Variants in CDH18 observed in about 807,000 individuals in gnomAD.
CDH18 encodes the protein cadherin 18.
In CDH18, 31 loss-of-function variants were observed where a neutral mutation model predicts 67.9. The ratio of observed to expected loss-of-function variants is 0.46; its 90% confidence interval spans 0.34 to 0.62. CDH18 has a LOEUF of 0.62. CDH18 is among the 20% of genes least tolerant of loss of function. The probability of loss-of-function intolerance (pLI) is 0.01; values close to 1 mark genes in which losing one functional copy is unlikely to be tolerated. For missense variants in CDH18, 890 were observed against 975.5 expected (o/e 0.91, Z 1.17); for synonymous variants, 362 against 347.2 (o/e 1.04, Z -0.48).
At chr5:20,102,033 T>C (rs1289539635) in intron 2 of CDH18, among the ~76,000 whole-genome samples, 4 of 152,114 alleles carry the variant, frequency 2.6e-5, no homozygotes, top group African/African-American at 9.7e-5. Context: ...ATCGCGCCAC[T>C]GTACTCCAGC....
At chr5:19,916,302 T>C (rs1358834404) in intron 2 of CDH18, among the ~76,000 whole-genome samples, 1 of 152,162 alleles carries the variant, frequency 6.6e-6, no homozygotes, top group Admixed American at 6.5e-5. Flanking sequence ...ACTGAGTCCT[T>C]ACCCCTTAGG....
intron 1 of CDH18, among the ~76,000 whole-genome samples, chr5:20,266,024 C>G (rs1745005903): frequency 6.6e-6 from 1 of 152,144 alleles, no homozygotes; most frequent in Non-Finnish European, 1.5e-5. Context: ...TCTTCTCCTC[C>G]TCTTGGATAG....
chr5:19,931,789 C>T (rs948773682), intron 2 of CDH18, among the ~76,000 whole-genome samples: 1 of 151,742 alleles, frequency 6.6e-6, no homozygotes, highest in Admixed American at 6.6e-5. Context: ...CTTTATATAT[C>T]TCTCTGCTTT....
intron 6 of CDH18, among the ~76,000 whole-genome samples, chr5:19,596,380 C>A (rs1453738189): frequency 6.6e-6 from 1 of 152,114 alleles, no homozygotes; most frequent in African/African-American, 2.4e-5. Context: ...TAAATTGGTA[C>A]AAATTCTCTA....
chr5:19,681,177 T>A (rs1760258337), intron 5 of CDH18, among the ~76,000 whole-genome samples: 1 of 151,946 alleles, frequency 6.6e-6, no homozygotes, highest in East Asian at 1.9e-4. Context: ...AACCAAATAC[T>A]GCATTTTCTC....
At chr5:20,118,965 G>A (rs1748135359) in intron 2 of CDH18, among the ~76,000 whole-genome samples, 1 of 152,104 alleles carries the variant, frequency 6.6e-6, no homozygotes, top group South Asian at 2.1e-4. Context: ...CCGTACATGA[G>A]CTGAAGAGGG....
At chr5:20,376,882 T>C (rs1488509532) in intron 1 of CDH18, among the ~76,000 whole-genome samples, 1 of 151,992 alleles carries the variant, frequency 6.6e-6, no homozygotes, top group East Asian at 1.9e-4. Flanking sequence ...CCGGGCGTGG[T>C]GGCAGGTGGC....
intron 2 of CDH18, among the ~76,000 whole-genome samples, chr5:20,234,924 A>G (rs372655256): frequency 6.6e-6 from 1 of 152,132 alleles, no homozygotes; most frequent in Non-Finnish European, 1.5e-5. Context: ...GAAAACTGCA[A>G]TTGGGGAAAG....
At chr5:20,510,231 G>A (rs150133739) in intron 1 of CDH18, among the ~76,000 whole-genome samples, 251 of 152,010 alleles carry the variant, frequency 1.7e-3, no homozygotes, top group African/African-American at 5.8e-3. Context: ...CTGTTTTCTC[G>A]ATTGGGTTAT....
chr5:19,847,463 T>C (rs528934812), intron 2 of CDH18, among the ~76,000 whole-genome samples: 4 of 152,246 alleles, frequency 2.6e-5, no homozygotes, highest in Admixed American at 2.6e-4. Flanking sequence ...TCTTTTTATA[T>C]ATTTAATCTC....
chr5:19,773,698 A>G (rs1773979593), intron 3 of CDH18, among the ~76,000 whole-genome samples: 1 of 152,168 alleles, frequency 6.6e-6, no homozygotes, highest in South Asian at 2.1e-4. Context: ...TGAGAGTTTA[A>G]AAATAGAAGA....
intron 1 of CDH18, among the ~76,000 whole-genome samples, chr5:20,530,759 T>C (rs911364851): frequency 2.0e-5 from 3 of 151,962 alleles, no homozygotes; most frequent in Admixed American, 6.6e-5. Context: ...AAAACTTAAA[T>C]GTAAAACTCA....
At chr5:19,655,230 A>T (rs1167979428) in intron 5 of CDH18, among the ~76,000 whole-genome samples, 1 of 152,148 alleles carries the variant, frequency 6.6e-6, no homozygotes, top group South Asian at 2.1e-4. Flanking sequence ...ATATGTGTCT[A>T]TGTATATGTA....
At chr5:19,989,269 G>A (rs1799838800), upstream of CDH18, among the ~76,000 whole-genome samples, 1 of 152,166 alleles carries the variant, frequency 6.6e-6, no homozygotes, top group Non-Finnish European at 1.5e-5. Flanking sequence ...CTCCATCATT[G>A]CAAACACTAA....
rs562513658 is a variant in CDH18, at chr5:19,496,440, A to T, written c.1630+6552T>A. ...TGGAATCTTAGTCACCGACACAATAATGTTGGGAGGTGGGGCCTAATGGGT... is the reference window on the plus strand; with the variant it reads ...TGGAATCTTAGTCACCGACACAATATTGTTGGGAGGTGGGGCCTAATGGGT... On this transcript the variant is annotated intron_variant, in intron 11 of 12. Coordinates refer to ENST00000382275, the MANE Select transcript of CDH18 (RefSeq NM_004934.5). 5.3e-5 allele frequency among the ~76,000 whole-genome samples: 8 copies of T among 152,302 alleles called. No homozygotes were observed. The South Asian group carries it at 1.7e-3, about 32-fold the overall frequency.
intron 2 of CDH18, among the ~76,000 whole-genome samples, chr5:20,211,635 T>C (rs1481915094): frequency 6.6e-6 from 1 of 152,194 alleles, no homozygotes; most frequent in Non-Finnish European, 1.5e-5. Context: ...AAACAGAGAC[T>C]GGAGTGGACC....
At chr5:19,605,037 T>C (rs1232952240) in intron 6 of CDH18, among the ~76,000 whole-genome samples, 1 of 151,936 alleles carries the variant, frequency 6.6e-6, no homozygotes, top group Non-Finnish European at 1.5e-5. Flanking sequence ...TCAAATTATT[T>C]CCAAGAAATA....
At chr5:19,777,995 T>C (rs1419898022) in intron 3 of CDH18, among the ~76,000 whole-genome samples, 1 of 152,100 alleles carries the variant, frequency 6.6e-6, no homozygotes, top group Non-Finnish European at 1.5e-5. Flanking sequence ...ATCAGATGAA[T>C]CAAATTCCTT....
At chr5:20,420,472 C>T (rs1474633402) in intron 1 of CDH18, among the ~76,000 whole-genome samples, 5 of 151,010 alleles carry the variant, frequency 3.3e-5, no homozygotes, top group Non-Finnish European at 7.4e-5. Context: ...AAAAAGAAGA[C>T]GACTTAAGCT....
Sources: gnomAD v4.1 joint callset for allele counts (sites outside exome capture counted in the v4.1 genomes callset) on GRCh38, gnomAD v4.1.1 for gene constraint, MANE v1.5 for transcripts, NCBI Gene and HGNC (gene_info 2026-07-23, HGNC 2026-07-21) for gene names.